The following IPCEF1 variants were observed in gnomAD, a reference collection of about 807,000 sequenced individuals.
The protein encoded by IPCEF1 is interaction protein for cytohesin exchange factors 1.
In IPCEF1, 31 loss-of-function variants were observed where a neutral mutation model predicts 50.9. The observed-to-expected ratio is 0.61, with a 90% CI of 0.46 to 0.82. The LOEUF (loss-of-function observed/expected upper bound fraction) is 0.82, where lower values mean the gene tolerates loss of function less well. IPCEF1 is among the 40% of genes least tolerant of loss of function. The probability of loss-of-function intolerance (pLI) is 0.00; values close to 1 mark genes in which losing one functional copy is unlikely to be tolerated. For missense variants in IPCEF1, 458 were observed against 514.0 expected, an observed-to-expected ratio of 0.89 and a Z score of 1.05; for synonymous variants, 181 against 192.0, an observed-to-expected ratio of 0.94 and a Z score of 0.47.
At chr6:154,230,502 T>C (rs1779634118) in intron 5 of IPCEF1, among the ~76,000 whole-genome samples, 1 of 152,176 alleles carries the variant, frequency 6.6e-6, no homozygotes, top group South Asian at 2.1e-4. Context: ...CACAAGTATT[T>C]TGGAAAATAT....
chr6:154,228,208 G>A (rs1231573510), intron 5 of IPCEF1, among the ~76,000 whole-genome samples: 2 of 151,952 alleles, frequency 1.3e-5, no homozygotes, highest in African/African-American at 2.4e-5. Context: ...GCTCACGCCT[G>A]TAATCCCAGC....
At chr6:154,162,908 C>T (rs1017602692) in intron 11 of IPCEF1, among the ~76,000 whole-genome samples, 1 of 152,152 alleles carries the variant, frequency 6.6e-6, no homozygotes, top group Non-Finnish European at 1.5e-5. Flanking sequence ...TCTCTACATC[C>T]CCACCCCACC....
intron 1 of IPCEF1, among the ~76,000 whole-genome samples, chr6:154,301,645 T>C (rs1342123314): frequency 1.3e-5 from 2 of 152,184 alleles, no homozygotes; most frequent in Non-Finnish European, 2.9e-5. Flanking sequence ...TCCAGAGTTA[T>C]TTATTGAGCC....
At chr6:154,350,380 A>C (rs970548910) in intron 1 of IPCEF1, among the ~76,000 whole-genome samples, 1 of 152,244 alleles carries the variant, frequency 6.6e-6, no homozygotes, top group African/African-American at 2.4e-5. Flanking sequence ...CATTTATGAA[A>C]GAAAATCTTT....
At chr6:154,206,529 T>A (rs1777508685) in intron 9 of IPCEF1, among the ~76,000 whole-genome samples, 2 of 152,200 alleles carry the variant, frequency 1.3e-5, no homozygotes, top group Admixed American at 1.3e-4. Context: ...TGGCTCTGAC[T>A]TTAAGAATTT....
At chr6:154,341,429 G>A (rs749626994) in intron 1 of IPCEF1, among the ~76,000 whole-genome samples, 30 of 152,198 alleles carry the variant, frequency 2.0e-4, no homozygotes, top group Non-Finnish European at 4.1e-4. Context: ...ATCATTTGGG[G>A]ATGGAGGTTA....
At chr6:154,161,215 A>T (rs1261283358) in intron 11 of IPCEF1, among the ~76,000 whole-genome samples, 67 of 133,810 alleles carry the variant, frequency 5.0e-4, no homozygotes, top group African/African-American at 6.4e-4. Context: ...TTTTCTTTTC[A>T]TTTTTTTTTT....
chr6:154,345,701 C>A (rs536326292), intron 1 of IPCEF1, among the ~76,000 whole-genome samples: 1 of 152,248 alleles, frequency 6.6e-6, no homozygotes, highest in Admixed American at 6.5e-5. Flanking sequence ...AATATCTGAG[C>A]TTTCCTATGG....
rs572829920 is a variant in IPCEF1, at chr6:154,208,271, C to T, written c.537+4499G>A. Among the ~76,000 whole-genome samples, 3 of 152,302 alleles carry T rather than the reference C, an allele frequency of 2.0e-5. No individual in the cohort carries two copies. The East Asian group carries it at 5.8e-4, about 29-fold the overall frequency. ...CCACAGAGGGCTCCTTGCAGTACCA[C>T]ACACCAAGGAGACCTTGACTCTCAC... On this transcript the variant is annotated intron_variant, in intron 9 of 11. Transcript: ENST00000367220.
Position 154,168,128 on chromosome 6 carries a change from A to C in IPCEF1, c.911-15T>G, listed in dbSNP as rs202162275. On this transcript the variant is annotated splice_polypyrimidine_tract_variant and intron_variant, in intron 10 of 11. Transcript: ENST00000367220. The surrounding 1 kb of genome is among the most constrained non-coding windows in gnomAD (Gnocchi z 4.1). ...TTTTGTCTCTTCTATTTGAAAAAAA[A>C]AAAGAAAGCAGTAACAATAAACCCA... 7.1e-5 allele frequency: 108 copies of C among 1,524,892 alleles called. No homozygotes were observed. In the African/African-American group the frequency reaches 1.4e-3, roughly 19 times the overall value. The allele number at this position is 1,524,892 out of a possible 1,614,324, so 94.5% of individuals were successfully genotyped here.
In IPCEF1 at chr6:154,277,721, G is replaced by A. The variant is rs566568018; in HGVS notation, c.-17-11757C>T. 1.2e-4 allele frequency among the ~76,000 whole-genome samples: 19 copies of A among 152,268 alleles called. No individual in the cohort carries two copies. The East Asian group carries it at 3.5e-3, about 28-fold the overall frequency. Reference sequence around the variant, plus strand: ...AAAATTACAGAGCAGACTGCAGCTGGCCAGCCACTTTACTTCACCTTTCCC... The same window carrying A: ...AAAATTACAGAGCAGACTGCAGCTGACCAGCCACTTTACTTCACCTTTCCC... On this transcript the variant is annotated intron_variant, in intron 2 of 11. Coordinates refer to ENST00000367220, the MANE Select transcript of IPCEF1 (RefSeq NM_001130700.2).
chr6:154,190,787 A>C lies in IPCEF1; in HGVS notation c.910+8881T>G, dbSNP rs571331698. ...GTCTTTCAATAGGTGAATGAATAAC[A>C]AACTGTGATGCATCCATACAATGGA... On this transcript the variant is annotated intron_variant, in intron 10 of 11. Coordinates refer to ENST00000367220, the MANE Select transcript of IPCEF1 (RefSeq NM_001130700.2). Among the ~76,000 whole-genome samples, 56 of 152,374 alleles carry C rather than the reference A, an allele frequency of 3.7e-4. 1 individual carries two copies. The Middle Eastern group carries it at 0.017, about 46-fold the overall frequency.
At position 154,221,297 on chromosome 6, in the gene IPCEF1, T is replaced by C; in HGVS notation, c.352A>G (p.Thr118Ala). 1.2e-6 allele frequency: 2 copies of C among 1,613,950 alleles called. No individual in the cohort carries two copies. Among genetic ancestry groups the C allele is most frequent in the Non-Finnish European group, 1.7e-6 (2 of 1,179,958 alleles). ...AFKISHPQIK[T>A]FYFAAENVQE... Reference sequence around the variant, plus strand: ...ACATTCTCAGCTGCAAAATAAAAGGTCTTGATCTGTGGATGGCTGATCTTA... The same window carrying C: ...ACATTCTCAGCTGCAAAATAAAAGGCCTTGATCTGTGGATGGCTGATCTTA... Residue 118 changes from threonine (T) to alanine (A), a missense_variant, in exon 7 of 12, where the codon ACC becomes GCC. Physicochemically the swap from Thr to Ala is moderately conservative, Grantham distance 58 (BLOSUM62 0). Coordinates refer to ENST00000367220, the MANE Select transcript of IPCEF1 (RefSeq NM_001130700.2).
intron 2 of IPCEF1, among the ~76,000 whole-genome samples, chr6:154,283,211 G>C (rs775188700): frequency 1.4e-5 from 2 of 145,932 alleles, no homozygotes; most frequent in Non-Finnish European, 3.0e-5. Flanking sequence ...AGAATCGCTT[G>C]AACCTGGGAG....
intron 1 of IPCEF1, among the ~76,000 whole-genome samples, chr6:154,322,403 C>CACACACACA (rs1554224661): frequency 6.7e-6 from 1 of 149,652 alleles, no homozygotes; most frequent in African/African-American, 2.5e-5. Context: ...CACACACACA[C>CACACACACA]CCCTATGTTT....
intron 1 of IPCEF1, among the ~76,000 whole-genome samples, chr6:154,338,870 T>TGAGACTTCAGTGAGCC (rs1783845588): frequency 1.3e-5 from 2 of 151,984 alleles, no homozygotes; most frequent in African/African-American, 4.8e-5. Context: ...TGCAGTGAGC[T>TGAGACTTCAGTGAGCC]GAGACTTCAG....
chr6:154,268,644 A>G (rs1781817616), intron 2 of IPCEF1, among the ~76,000 whole-genome samples: 1 of 152,108 alleles, frequency 6.6e-6, no homozygotes, highest in African/African-American at 2.4e-5. Context: ...TAAAGATCAA[A>G]ATTGTGAAAA....
chr6:154,277,499 T>C (rs1782091707), intron 2 of IPCEF1, among the ~76,000 whole-genome samples: 1 of 152,228 alleles, frequency 6.6e-6, no homozygotes, highest in Non-Finnish European at 1.5e-5. Context: ...AAAGATTAAA[T>C]CGTCCAACTC....
Position 154,232,793 on chromosome 6 carries a change from C to T in IPCEF1, c.247-9550G>A, listed in dbSNP as rs1779821989. Reference sequence around the variant, plus strand: ...GAATAAGCAGCTATAACCAGCTTCTCCAGACTAAATGGAAATTAACATAGA... The same window carrying T: ...GAATAAGCAGCTATAACCAGCTTCTTCAGACTAAATGGAAATTAACATAGA... On this transcript the variant is annotated intron_variant, in intron 5 of 11. Transcript: ENST00000367220. Among the ~76,000 whole-genome samples the T allele has an allele frequency of 2.6e-5, 4 of 151,720 alleles. No individual in the cohort carries two copies. In the South Asian group the frequency reaches 8.4e-4, roughly 32 times the overall value.
Sources: gnomAD v4.1 joint callset for allele counts (sites outside exome capture counted in the v4.1 genomes callset) on GRCh38, gnomAD v4.1.1 for gene constraint, Gnocchi (gnomAD v3.1) non-coding constraint, MANE v1.5 for transcripts, NCBI Gene and HGNC (gene_info 2026-07-23, HGNC 2026-07-21) for gene names.